NBAS: variants seen among roughly 807,000 people sequenced by gnomAD.
The protein encoded by NBAS is NBAS subunit of NRZ tethering complex, also known as NAG/BC035112 fusion.
Under a neutral mutation model 302.5 loss-of-function variants are expected in NBAS, and 219 were observed. The observed-to-expected ratio is 0.72, with a 90% CI of 0.65 to 0.81. The LOEUF is 0.81. Among genes scored for constraint, NBAS ranks in the 30% least tolerant of loss-of-function variants. The pLI, the probability that NBAS is intolerant of heterozygous loss-of-function variation, is 0.00. For synonymous variants in NBAS, 1,118 were observed against 1,021.6 expected, an observed-to-expected ratio of 1.09 and a Z score of -1.80; for missense variants, 2,932 against 2,841.6, an observed-to-expected ratio of 1.03 and a Z score of -0.72.
At chr2:14,791,723 G>T in the NBAS span, among the ~76,000 whole-genome samples, 38 of 152,032 alleles carry the variant, frequency 2.5e-4, no homozygotes, top group Non-Finnish European at 4.7e-4. Flanking sequence ...AGAATCGCTT[G>T]AATCCAGGAG....
intron 42 of NBAS, 113 bp downstream of exon 42, chr2:15,286,960 A>C (rs981282517): frequency 1.2e-6 from 1 of 806,846 alleles, no homozygotes; most frequent in Non-Finnish European, 2.1e-6. Flanking sequence ...ACACTAGTCC[A>C]CTGTAGATTA....
At chr2:15,435,000 A>C (rs1473831432) in intron 21 of NBAS, among the ~76,000 whole-genome samples, 5 of 152,228 alleles carry the variant, frequency 3.3e-5, no homozygotes, top group Admixed American at 6.5e-5. Context: ...AGACAAGCAG[A>C]CCCTGACAAA....
chr2:15,265,254 A>G (rs533443995), intron 44 of NBAS, among the ~76,000 whole-genome samples: 5 of 152,284 alleles, frequency 3.3e-5, no homozygotes, highest in African/African-American at 1.2e-4. Flanking sequence ...TCATGCGATC[A>G]ACATCAAATT....
At chr2:15,395,840 T>C (rs1351975712) in intron 27 of NBAS, among the ~76,000 whole-genome samples, 1 of 152,074 alleles carries the variant, frequency 6.6e-6, no homozygotes, top group African/African-American at 2.4e-5. Flanking sequence ...ATATCAGACT[T>C]TCTACATGGG....
chr2:15,065,078 G>T, the NBAS span, among the ~76,000 whole-genome samples: 1 of 151,968 alleles, frequency 6.6e-6, no homozygotes, highest in African/African-American at 2.4e-5. Flanking sequence ...AATAGGTATA[G>T]AAAAAATTTA....
the NBAS span, among the ~76,000 whole-genome samples, chr2:15,124,667 G>A: frequency 6.6e-6 from 1 of 152,222 alleles, no homozygotes; most frequent in Non-Finnish European, 1.5e-5. Flanking sequence ...CAGGACACTT[G>A]CTGCATCCTG....
At chr2:15,351,179 C>T (rs1247268720) in intron 35 of NBAS, among the ~76,000 whole-genome samples, 1 of 152,164 alleles carries the variant, frequency 6.6e-6, no homozygotes, top group Non-Finnish European at 1.5e-5. Flanking sequence ...CTACATATAA[C>T]AGCATGAATG....
chr2:15,167,432 C>A, intron 51 of NBAS, 109 bp from the exon 52 acceptor site: 1 of 1,421,632 alleles, frequency 7.0e-7, no homozygotes, highest in Non-Finnish European at 9.7e-7. Context: ...CATGCCCTGG[C>A]CTGGGTTTAA....
At chr2:15,044,130 CT>C in the NBAS span, among the ~76,000 whole-genome samples, 69,009 of 149,166 alleles carry the variant, frequency 0.46, 16,084 homozygotes, top group East Asian at 0.68. Flanking sequence ...AACTTAAAAA[CT>C]TTTTTTTTTT....
At chr2:14,954,514 G>A in the NBAS span, among the ~76,000 whole-genome samples, 1 of 152,136 alleles carries the variant, frequency 6.6e-6, no homozygotes, top group African/African-American at 2.4e-5. Flanking sequence ...ATCTTGATAA[G>A]TGTTATGGGT....
At chr2:15,335,521 A>T (rs1357303449) in intron 35 of NBAS, among the ~76,000 whole-genome samples, 1 of 152,168 alleles carries the variant, frequency 6.6e-6, no homozygotes, top group Non-Finnish European at 1.5e-5. Context: ...CATTTGAGCA[A>T]TTCTGGTAAT....
the NBAS span, among the ~76,000 whole-genome samples, chr2:14,803,914 T>G: frequency 6.6e-6 from 1 of 152,198 alleles, no homozygotes; most frequent in African/African-American, 2.4e-5. Flanking sequence ...CCTCCCAAAG[T>G]GCTGGGATTA....
the NBAS span, among the ~76,000 whole-genome samples, chr2:14,809,931 T>C: frequency 6.6e-6 from 1 of 152,216 alleles, no homozygotes; most frequent in Non-Finnish European, 1.5e-5. Context: ...CGAGATCATT[T>C]TGGAGCTTTA....
downstream of NBAS, among the ~76,000 whole-genome samples, chr2:15,166,039 G>C (rs1389994635): frequency 6.6e-6 from 1 of 152,152 alleles, no homozygotes; most frequent in Non-Finnish European, 1.5e-5. Context: ...CTGTGGCTTC[G>C]ATAAGGTGTG....
chr2:15,089,409 C>A, the NBAS span, among the ~76,000 whole-genome samples: 1 of 152,126 alleles, frequency 6.6e-6, no homozygotes, highest in Non-Finnish European at 1.5e-5. Context: ...AGACTTGGGG[C>A]CCTATCCAAT....
chr2:15,167,310 T>C lies in NBAS; in HGVS notation c.6854A>G (p.Asn2285Ser), dbSNP rs368395181. Residue 2285 changes from asparagine (N) to serine (S), a missense_variant, in exon 52 of 52, where the codon AAT (asparagine) becomes AGT (serine). Physicochemically the swap from Asn to Ser is conservative, Grantham distance 46. Transcript: ENST00000281513. ...ITAVTTVNDS[N>S]CDQELLSLLL... The stretch of plus-strand genomic sequence containing the variant: ...CAGGGAAAGAAGTTCTTGGTCACAA[T>C]TGGAATCATTCACCTTCAAGAAATA... 386 of 1,614,188 alleles carry C rather than the reference T, an allele frequency of 2.4e-4. 4 individuals are homozygous for C. In the South Asian group the frequency reaches 2.7e-3, roughly 11 times the overall value.
At chr2:15,068,357 A>T in the NBAS span, among the ~76,000 whole-genome samples, 2 of 152,210 alleles carry the variant, frequency 1.3e-5, no homozygotes, top group Non-Finnish European at 2.9e-5. Context: ...AAGGCATCCA[A>T]CGTAGGAAGG....
At chr2:14,870,020 A>G in the NBAS span, among the ~76,000 whole-genome samples, 1 of 152,342 alleles carries the variant, frequency 6.6e-6, no homozygotes, top group East Asian at 1.9e-4. Flanking sequence ...TCTTTAAATA[A>G]TTTAAAACTG....
intron 42 of NBAS, among the ~76,000 whole-genome samples, chr2:15,278,651 T>C (rs1669695430): frequency 6.6e-6 from 1 of 152,170 alleles, no homozygotes; most frequent in African/African-American, 2.4e-5. Flanking sequence ...CTGGGGAGGA[T>C]ATAAAGACTT....
Sources: allele counts gnomAD v4.1 joint callset (sites outside exome capture counted in the v4.1 genomes callset), GRCh38; gene constraint gnomAD v4.1.1; transcripts MANE v1.5; gene names NCBI Gene and HGNC (gene_info 2026-07-23, HGNC 2026-07-21).